NTM: variants seen among roughly 807,000 people sequenced by gnomAD.
The protein encoded by NTM is IgLON family member 2.
A neutral mutation model predicts 42.1 loss-of-function variants in NTM; 13 were observed. That is an observed-to-expected ratio of 0.31 (90% CI 0.20 to 0.49). NTM has a LOEUF of 0.49. NTM is among the 20% of genes least tolerant of loss of function. The probability of loss-of-function intolerance (pLI) is 0.99; values close to 1 mark genes in which losing one functional copy is unlikely to be tolerated. For missense variants in NTM, 373 were observed against 452.8 expected, an observed-to-expected ratio of 0.82 and a Z score of 1.60; for synonymous variants, 187 against 179.2, an observed-to-expected ratio of 1.04 and a Z score of -0.35.
chr11:131,910,608 G>A (rs892200852), intron 1 of NTM, among the ~76,000 whole-genome samples: 1 of 150,730 alleles, frequency 6.6e-6, no homozygotes, highest in African/African-American at 2.4e-5. Context: ...CGGGGCCCGC[G>A]CGCGTCGGGG....
chr11:132,332,535 C>T (rs1294652151), intron 8 of NTM: 1 of 152,172 alleles, frequency 6.6e-6, no homozygotes, highest in Non-Finnish European at 1.5e-5. Context: ...CAGGTGAGGA[C>T]ACGACTCGTC....
intron 3 of NTM, among the ~76,000 whole-genome samples, chr11:132,172,799 T>TC (rs2076289560): frequency 6.6e-6 from 1 of 152,222 alleles, no homozygotes; most frequent in African/African-American, 2.4e-5. Flanking sequence ...CTGGACATGA[T>TC]CATTTGTGCT....
chr11:131,935,066 A>G (rs2059064960), intron 2 of NTM, among the ~76,000 whole-genome samples: 1 of 152,214 alleles, frequency 6.6e-6, no homozygotes, highest in South Asian at 2.1e-4. Context: ...TGATGGAGGC[A>G]GTAACAATTG....
chr11:132,059,284 C>T (rs2080226925), intron 2 of NTM, among the ~76,000 whole-genome samples: 1 of 152,186 alleles, frequency 6.6e-6, no homozygotes, highest in South Asian at 2.1e-4. Context: ...CTGGATCCTC[C>T]TCACCCTCCT....
chr11:131,998,553 T>A (rs2068551865), intron 2 of NTM, among the ~76,000 whole-genome samples: 1 of 152,198 alleles, frequency 6.6e-6, no homozygotes, highest in African/African-American at 2.4e-5. Flanking sequence ...TGACTTTTTT[T>A]TAAATTTCCA....
chr11:131,911,198 C>G (rs937803812), intron 1 of NTM: 2 of 1,372,672 alleles, frequency 1.5e-6, no homozygotes, highest in African/African-American at 2.9e-5. Context: ...CGCGCTTCCC[C>G]CTCCTCGGCC....
intron 4 of NTM, among the ~76,000 whole-genome samples, chr11:132,262,979 A>G (rs1053855658): frequency 4.6e-5 from 7 of 152,234 alleles, no homozygotes; most frequent in Non-Finnish European, 1.5e-5. Context: ...TTCCCATTCC[A>G]AGGGGGAGAA....
intron 7 of NTM, among the ~76,000 whole-genome samples, chr11:132,322,331 A>C (rs2136296472): frequency 6.6e-6 from 1 of 151,660 alleles, no homozygotes; most frequent in East Asian, 1.9e-4. Context: ...AGGATGGAGG[A>C]AGATCTACCA....
chr11:131,586,004 A>G (rs1050863564), intron 1 of NTM, among the ~76,000 whole-genome samples: 3 of 152,244 alleles, frequency 2.0e-5, no homozygotes, highest in African/African-American at 7.2e-5. Flanking sequence ...ACAGAAACTT[A>G]CCTGTCGTAA....
Position 132,237,346 on chromosome 11 carries a change from A to G in NTM, c.526+25199A>G, listed in dbSNP as rs551567327. Among the ~76,000 whole-genome samples, 8 of 151,466 alleles carry G rather than the reference A, an allele frequency of 5.3e-5. No homozygotes were observed. In the East Asian group the frequency reaches 9.8e-4, roughly 18 times the overall value. On this transcript the variant is annotated intron_variant, in intron 4 of 8. Coordinates refer to ENST00000683400, the MANE Select transcript of NTM (RefSeq NM_001352005.2). ...TCCAGTGCCCTCAGTTTGCGATCTG[A>G]CCTCAGGGTTTTTCTTTGGGATCTC...
intron 1 of NTM, among the ~76,000 whole-genome samples, chr11:131,373,461 C>G (rs1224305114): frequency 6.6e-6 from 1 of 152,052 alleles, no homozygotes; most frequent in African/African-American, 2.4e-5. Context: ...AACCAGCAAC[C>G]AAGATCCAGC....
intron 1 of NTM, chr11:131,795,783 G>A (rs376621461): frequency 3.0e-6 from 3 of 985,368 alleles, no homozygotes; most frequent in Non-Finnish European, 3.6e-6. Flanking sequence ...CAGTTGACTG[G>A]GGTTGGGGGG....
At chr11:132,080,755 C>G (rs1340894240) in intron 2 of NTM, among the ~76,000 whole-genome samples, 4 of 152,092 alleles carry the variant, frequency 2.6e-5, no homozygotes, top group African/African-American at 4.8e-5. Flanking sequence ...TTAATAGTTG[C>G]TGGTTTGGAT....
chr11:132,157,510 G>C (rs2073438433), intron 3 of NTM, among the ~76,000 whole-genome samples: 1 of 152,178 alleles, frequency 6.6e-6, no homozygotes. Flanking sequence ...TGGAAGCAGG[G>C]AGGGAAAGAC....
intron 4 of NTM, among the ~76,000 whole-genome samples, chr11:132,275,704 A>ATATATATACG (rs1252834990): frequency 1.2e-3 from 157 of 126,626 alleles, no homozygotes; most frequent in African/African-American, 2.2e-3. Flanking sequence ...ATATATATGT[A>ATATATATACG]TATATATATG....
intron 2 of NTM, among the ~76,000 whole-genome samples, chr11:131,931,434 G>A (rs905807528): frequency 2.0e-5 from 3 of 149,978 alleles, no homozygotes; most frequent in African/African-American, 7.4e-5. Context: ...ACAAGACAGT[G>A]CCTCAAAAAA....
chr11:131,875,117 G>A (rs573299829), intron 1 of NTM, among the ~76,000 whole-genome samples: 1 of 152,272 alleles, frequency 6.6e-6, no homozygotes, highest in African/African-American at 2.4e-5. Flanking sequence ...TAAACCCCAT[G>A]AGCCTTATTT....
At chr11:132,241,902 A>G (rs891076105) in intron 4 of NTM, among the ~76,000 whole-genome samples, 3 of 152,210 alleles carry the variant, frequency 2.0e-5, no homozygotes, top group African/African-American at 7.2e-5. Flanking sequence ...TGGGAGGAAA[A>G]TGTAAACTAG....
chr11:132,081,448 G>A (rs779897950), intron 2 of NTM, among the ~76,000 whole-genome samples: 5 of 152,242 alleles, frequency 3.3e-5, no homozygotes, highest in Admixed American at 1.3e-4. Flanking sequence ...AGCCAGAGTG[G>A]TTGGCCAGGC....
Sources: allele counts gnomAD v4.1 joint callset (sites outside exome capture counted in the v4.1 genomes callset), GRCh38; gene constraint gnomAD v4.1.1; transcripts MANE v1.5; gene names NCBI Gene and HGNC (gene_info 2026-07-23, HGNC 2026-07-21).